SIRT2: variants seen among roughly 807,000 people sequenced by gnomAD.
SIRT2 encodes sirtuin 2.
A neutral mutation model predicts 57.4 loss-of-function variants in SIRT2; 40 were observed. The ratio of observed to expected loss-of-function variants is 0.70; its 90% CI spans 0.54 to 0.91. The LOEUF (loss-of-function observed/expected upper bound fraction) is 0.91. Ranked by LOEUF, SIRT2 falls within the 40% of genes least tolerant of loss-of-function variation. The pLI is 0.00. For missense variants in SIRT2, 439 were observed against 510.4 expected, an observed-to-expected ratio of 0.86 and a Z score of 1.35; for synonymous variants, 161 against 195.7, an observed-to-expected ratio of 0.82 and a Z score of 1.48.
chr19:38,881,303 G>T, intron 10 of SIRT2, 129 bp downstream of exon 10: 1 of 1,144,336 alleles, frequency 8.7e-7, no homozygotes, highest in Non-Finnish European at 1.3e-6. Flanking sequence ...CCCCAGGATG[G>T]ATCTGGGGCA....
intron 10 of SIRT2, 42 bp downstream of exon 10, chr19:38,881,390 C>T: frequency 6.3e-7 from 1 of 1,598,322 alleles, no homozygotes; most frequent in Non-Finnish European, 8.6e-7. Flanking sequence ...GAGGGGACCC[C>T]CACCCAAATC....
At position 38,879,228 on chromosome 19, in the gene SIRT2, G is replaced by T. The variant is rs778208745; in HGVS notation, c.1097C>A (p.Ser366Ter). The stretch of plus-strand genomic sequence containing the variant: ...TGGCGGGGACTTCTTGGGGGAAGCT[G>T]AAGTGCTGGGGTTGGGGACCCCCGC... ...SGAGVPNPST[S>*]ASPKKSPPPA... The change falls in exon 16 of 16, where the codon TCA becomes TAA. Residue 366 changes from serine (S) to a stop codon, truncating the protein, a stop_gained. Coordinates refer to ENST00000249396, the MANE Select transcript of SIRT2 (RefSeq NM_012237.4). LOFTEE classifies it high-confidence loss of function. The T allele has an allele frequency of 6.3e-7, 1 of 1,597,648 alleles. No individual in the cohort carries two copies. The highest frequency in any genetic ancestry group is 2.2e-5 in the East Asian group (1 of 44,796).
rs17884685 is a variant in SIRT2, at chr19:38,898,289, G to T, written c.63+90C>A. 155 of 983,910 alleles carry T rather than the reference G, an allele frequency of 1.6e-4. No individual in the cohort carries two copies. In the African/African-American group the frequency reaches 2.2e-3, roughly 14 times the overall value. The allele number at this position is 983,910 out of a possible 1,614,324, so 60.9% of individuals were successfully genotyped here. ...GGGGCAATGAGCCGAGGGCCCTGGG[G>T]TGACTGTTTCCCCTTTGCCACCTCC... On this transcript the variant is annotated intron_variant, in intron 2 of 15. Coordinates refer to ENST00000249396, the MANE Select transcript of SIRT2 (RefSeq NM_012237.4).
At chr19:38,895,927 C>T (rs1190138603) in intron 2 of SIRT2, among the ~76,000 whole-genome samples, 8 of 152,142 alleles carry the variant, frequency 5.3e-5, no homozygotes, top group African/African-American at 1.7e-4. Flanking sequence ...AAAAAATTAG[C>T]CAGGCATGGT....
intron 1 of SIRT2, chr19:38,898,887 T>C (rs989822087): frequency 9.8e-5 from 16 of 163,250 alleles, no homozygotes; most frequent in Middle Eastern, 3.1e-3. Context: ...CAGCCTCAAA[T>C]TCCTGGGCTC....
At chr19:38,893,620 G>T in intron 3 of SIRT2, 93 bp from the exon 4 acceptor site, 3 of 1,193,014 alleles carry the variant, frequency 2.5e-6, no homozygotes, top group South Asian at 1.4e-5. Flanking sequence ...GGGGTTCCCG[G>T]CCTCCCCACA....
intron 8 of SIRT2, among the ~76,000 whole-genome samples, chr19:38,886,533 A>T (rs1973345645): frequency 6.7e-6 from 1 of 149,594 alleles, no homozygotes; most frequent in South Asian, 2.1e-4. Flanking sequence ...AGCTCACTGT[A>T]GCCTTGAAAT....
chr19:38,893,533 C>A lies in SIRT2; in HGVS notation c.113-6G>T. 6.3e-7 allele frequency: 1 copy of A among 1,597,476 alleles called. No homozygotes were observed. Among genetic ancestry groups the A allele is most frequent in the Non-Finnish European group, 8.6e-7 (1 of 1,165,592 alleles). On this transcript the variant is annotated splice_region_variant and splice_polypyrimidine_tract_variant and intron_variant, in intron 3 of 15. Coordinates refer to ENST00000249396, the MANE Select transcript of SIRT2 (RefSeq NM_012237.4). ...TAAGTTCCGCAGGAAGTCCACTGAC[C>A]GGAAAGAAGAGAGACAGCGGCAGGA...
At chr19:38,894,142 G>A (rs1600127880) in intron 2 of SIRT2, 3 of 507,906 alleles carry the variant, frequency 5.9e-6, no homozygotes, top group East Asian at 8.0e-5. Context: ...TGTTGCCCAG[G>A]CTGGAGTGCA....
rs1265668503 is a variant in SIRT2, at chr19:38,889,174, G to A, written c.433-19C>T. Reference sequence around the variant, plus strand: ...TGGTTGGCTGCAGGGAAGAGCGACAGCACTGCTGACGACTGCAGGGAACAG... The same window carrying A: ...TGGTTGGCTGCAGGGAAGAGCGACAACACTGCTGACGACTGCAGGGAACAG... On this transcript the variant is annotated intron_variant, in intron 7 of 15. Transcript: ENST00000249396. 4.3e-6 allele frequency: 7 copies of A among 1,611,266 alleles called. No homozygotes were observed. Among genetic ancestry groups the A allele is most frequent in the Non-Finnish European group, 5.9e-6 (7 of 1,178,724 alleles).
intron 8 of SIRT2, among the ~76,000 whole-genome samples, chr19:38,884,495 C>T (rs768042665): frequency 1.2e-4 from 18 of 152,100 alleles, no homozygotes; most frequent in Non-Finnish European, 1.8e-4. Flanking sequence ...GTCACCCAGG[C>T]TGGAGTGCAG....
At chr19:38,886,610 T>C (rs1973347683) in intron 8 of SIRT2, among the ~76,000 whole-genome samples, 1 of 150,180 alleles carries the variant, frequency 6.7e-6, no homozygotes, top group Admixed American at 6.6e-5. Flanking sequence ...TGCACTACCA[T>C]GCCTGGCTAA....
At chr19:38,884,008 A>G (rs1474502519) in intron 8 of SIRT2, among the ~76,000 whole-genome samples, 2 of 152,078 alleles carry the variant, frequency 1.3e-5, no homozygotes, top group East Asian at 3.9e-4. Context: ...CACGCCTATA[A>G]TCCCAGCACT....
At chr19:38,892,158 G>A (rs929630285) in intron 4 of SIRT2, among the ~76,000 whole-genome samples, 1 of 152,164 alleles carries the variant, frequency 6.6e-6, no homozygotes, top group South Asian at 2.1e-4. Flanking sequence ...CACTTTGGGA[G>A]GCCGAGGAGG....
rs528059964 is a variant in SIRT2 at position 38,888,855 on chromosome 19, GACCTGAGAGGGCAA to G, written c.501+218_501+231del. ...ACCGCACTGCAGACCTGAGAGGGCA[GACCTGAGAGGGCAA>G]ACCTTTTCTGGCCCCTGTTTGACGG... On this transcript the variant is annotated intron_variant, in intron 8 of 15. Coordinates refer to ENST00000249396, the MANE Select transcript of SIRT2 (RefSeq NM_012237.4). 3.1e-3 allele frequency among the ~76,000 whole-genome samples: 477 copies of G among 152,356 alleles called. 2 individuals carry two copies. Among genetic ancestry groups the G allele is most frequent in the African/African-American group, 0.011 (461 of 41,582 alleles).
Position 38,889,581 on chromosome 19 carries a change from T to C in SIRT2, c.432+108A>G, listed in dbSNP as rs1453811844. The C allele has an allele frequency of 1.3e-5, 16 of 1,264,580 alleles. No homozygotes were observed. In the East Asian group the frequency reaches 2.0e-4, roughly 15 times the overall value. The allele number at this position is 1,264,580 out of a possible 1,614,324, so 78.3% of individuals were successfully genotyped here. A position where few individuals can be genotyped will look rare whatever the true frequency, so the allele number is the denominator to read the frequency against. ...CGAGGCAGTCTGGGCCCAGCACCCA[T>C]GTACTTAATGGCTACATAATATTTG... On this transcript the variant is annotated intron_variant, in intron 7 of 15. Coordinates refer to ENST00000249396, the MANE Select transcript of SIRT2 (RefSeq NM_012237.4).
intron 4 of SIRT2, chr19:38,890,698 G>GA (rs58117317): frequency 0.026 from 3,083 of 119,260 alleles, 60 homozygotes; most frequent in African/African-American, 0.052. Flanking sequence ...TCAAAAAAAG[G>GA]AAAAAAAAAA....
Position 38,899,525 on chromosome 19 carries a change from C to A in SIRT2, c.-4G>T, listed in dbSNP as rs768032105. On this transcript the variant is annotated 5_prime_UTR_variant, in exon 1 of 16. Coordinates refer to ENST00000249396, the MANE Select transcript of SIRT2 (RefSeq NM_012237.4). ...ACTCACGGTCTGGCTCTGCCATGGG[C>A]GCGGTGCTGAAGCCCTTGAGGCTGT... The A allele has an allele frequency of 6.2e-7, 1 of 1,613,772 alleles. No individual in the cohort carries two copies. Among genetic ancestry groups the A allele is most frequent in the South Asian group, 1.1e-5 (1 of 91,086 alleles).
rs372564613 is a variant in SIRT2 at position 38,882,065 on chromosome 19, T to G, written c.632-574A>C. Reference sequence around the variant, plus strand: ...TGGAGTGTGGTGGTGCAATCATGGTTGAGTGCAGTGGTGTGATCATAGCTT... The same window carrying G: ...TGGAGTGTGGTGGTGCAATCATGGTGGAGTGCAGTGGTGTGATCATAGCTT... On this transcript the variant is annotated intron_variant, in intron 9 of 15. Transcript: ENST00000249396. Among the ~76,000 whole-genome samples, 151 of 151,328 alleles carry G rather than the reference T, an allele frequency of 1.0e-3. 1 individual carries two copies. Among genetic ancestry groups the G allele is most frequent in the African/African-American group, 3.6e-3 (150 of 41,216 alleles).
Sources: gnomAD v4.1 joint callset for allele counts (sites outside exome capture counted in the v4.1 genomes callset) on GRCh38, gnomAD v4.1.1 for gene constraint, MANE v1.5 for transcripts, NCBI Gene and HGNC (gene_info 2026-07-23, HGNC 2026-07-21) for gene names.